C6: variants seen among roughly 807,000 people sequenced by gnomAD.
C6 encodes the protein complement C6.
Under a neutral mutation model 112.9 loss-of-function variants are expected in C6, and 101 were observed. The ratio of observed to expected loss-of-function variants is 0.89; its 90% CI spans 0.76 to 1.06. C6 has a LOEUF of 1.06. Among genes scored for constraint, C6 ranks in the 50% least tolerant of loss-of-function variants. The pLI is 0.00. For missense variants in C6, 1,202 were observed against 1,104.6 expected, an observed-to-expected ratio of 1.09 and a Z score of -1.25; for synonymous variants, 431 against 384.1, an observed-to-expected ratio of 1.12 and a Z score of -1.43.
chr5:41,246,503 G>T (rs927697543), intron 1 of C6, among the ~76,000 whole-genome samples: 1 of 151,918 alleles, frequency 6.6e-6, no homozygotes, highest in African/African-American at 2.4e-5. Context: ...TAATCTTCAG[G>T]TGCAAAAAAA....
intron 1 of C6, among the ~76,000 whole-genome samples, chr5:41,212,376 G>C (rs989789382): frequency 6.6e-6 from 1 of 151,936 alleles, no homozygotes; most frequent in African/African-American, 2.4e-5. Context: ...GGTCAGGCTC[G>C]TCTTGAACTC....
At chr5:41,244,475 G>A (rs569878360) in intron 1 of C6, among the ~76,000 whole-genome samples, 1 of 152,308 alleles carries the variant, frequency 6.6e-6, no homozygotes, top group East Asian at 1.9e-4. Context: ...TCTAACTCAA[G>A]CAGTGAGATT....
At chr5:41,225,324 T>G (rs1035462213) in intron 1 of C6, among the ~76,000 whole-genome samples, 1 of 152,176 alleles carries the variant, frequency 6.6e-6, no homozygotes, top group Non-Finnish European at 1.5e-5. Context: ...TGTTTGTTTT[T>G]TTTTGTCCTT....
At chr5:41,221,834 G>A (rs1739183781) in intron 1 of C6, among the ~76,000 whole-genome samples, 1 of 152,110 alleles carries the variant, frequency 6.6e-6, no homozygotes, top group Admixed American at 6.6e-5. Flanking sequence ...AGCTAGTTAA[G>A]TTAAAAGTTA....
chr5:41,184,537 T>C (rs184624105), intron 6 of C6, among the ~76,000 whole-genome samples: 432 of 152,182 alleles, frequency 2.8e-3, no homozygotes, highest in Non-Finnish European at 4.2e-3. Context: ...AGTGGCGTGA[T>C]CTCGGCTCAC....
chr5:41,248,673 A>G (rs111918547), intron 1 of C6, among the ~76,000 whole-genome samples: 1,529 of 152,284 alleles, frequency 0.01, 33 homozygotes, highest in African/African-American at 0.035. Context: ...TCAAAAACCA[A>G]CAGATGCTGG....
intron 1 of C6, among the ~76,000 whole-genome samples, chr5:41,211,782 C>CT (rs112546596): frequency 0.2 from 30,760 of 151,950 alleles, 3,916 homozygotes; most frequent in African/African-American, 0.37. Flanking sequence ...CAGAATATTT[C>CT]CTCAATTGTA....
At chr5:41,199,738 G>T (rs372190172) in intron 4 of C6, 30 bp downstream of exon 4, 11 of 1,607,646 alleles carry the variant, frequency 6.8e-6, no homozygotes, top group Non-Finnish European at 8.5e-6. Context: ...ATTTTTAGTG[G>T]GGACTGAACA....
At chr5:41,156,737 T>C (rs1333063272) in intron 13 of C6, among the ~76,000 whole-genome samples, 2 of 152,240 alleles carry the variant, frequency 1.3e-5, no homozygotes, top group Non-Finnish European at 2.9e-5. Flanking sequence ...GATATGGCTT[T>C]GTTTCCAAGG....
intron 1 of C6, among the ~76,000 whole-genome samples, chr5:41,251,112 G>T (rs1026429390): frequency 1.3e-5 from 2 of 152,078 alleles, no homozygotes; most frequent in African/African-American, 4.8e-5. Flanking sequence ...TCTGAGTTTT[G>T]AATTGAAACT....
chr5:41,208,371 A>G (rs968116866), intron 1 of C6, among the ~76,000 whole-genome samples: 5 of 152,338 alleles, frequency 3.3e-5, no homozygotes, highest in Non-Finnish European at 7.3e-5. Context: ...AACTAAGATC[A>G]GAGCAGAACT....
intron 1 of C6, chr5:41,261,099 A>T: frequency 1.5e-6 from 1 of 676,858 alleles, no homozygotes; most frequent in Non-Finnish European, 1.8e-6. Context: ...GTAAACTTTC[A>T]TCTGGAAATC....
intron 1 of C6, among the ~76,000 whole-genome samples, chr5:41,253,556 G>C (rs1274554901): frequency 1.3e-5 from 2 of 152,152 alleles, no homozygotes; most frequent in Non-Finnish European, 2.9e-5. Flanking sequence ...CTGTAAACTA[G>C]GGCAATTGTA....
In C6 at chr5:41,181,347, C is replaced by G. The variant is rs1749323238; in HGVS notation, c.927+12G>C. On this transcript the variant is annotated intron_variant, in intron 7 of 17. Transcript: ENST00000337836. ...CAAGAAAGAATAAAAGGTTGGAAAC[C>G]ATTTTTGATACCTTTTTGTGAGAGG... 6.2e-7 allele frequency: 1 copy of G among 1,611,886 alleles called. No individual in the cohort carries two copies. Among genetic ancestry groups the G allele is most frequent in the East Asian group, 2.2e-5 (1 of 44,792 alleles).
chr5:41,225,827 A>T (rs898896707), intron 1 of C6, among the ~76,000 whole-genome samples: 5 of 152,176 alleles, frequency 3.3e-5, no homozygotes, highest in Non-Finnish European at 7.3e-5. Context: ...TCTTTGACAA[A>T]CCTGACAAAA....
intron 17 of C6, among the ~76,000 whole-genome samples, chr5:41,147,619 T>A (rs982010489): frequency 6.6e-6 from 1 of 152,224 alleles, no homozygotes; most frequent in Non-Finnish European, 1.5e-5. Flanking sequence ...TTTTTGTCTT[T>A]CTTTTTGCAA....
chr5:41,161,788 A>G lies in C6; in HGVS notation c.1363T>C (p.Leu455=), dbSNP rs762930528. 1.9e-6 allele frequency: 3 copies of G among 1,613,698 alleles called. No homozygotes were observed. Among genetic ancestry groups the G allele is most frequent in the Non-Finnish European group, 8.5e-7 (1 of 1,179,728 alleles). Residue 455 remains leucine (L), a synonymous_variant, in exon 10 of 18, where the codon TTG becomes CTG. Coordinates refer to ENST00000337836, the MANE Select transcript of C6 (RefSeq NM_000065.5). ...CCAGAGCTCCCTTTCTCCCATGCCA[A>G]AGCTGCTCCATATTCACTCCTTCCA... is the stretch of plus-strand genomic sequence containing the variant. ...RGGRSEYGAA[L]AWEKGSSGLE...
At chr5:41,148,915 GT>G (rs1746105755) in intron 17 of C6, among the ~76,000 whole-genome samples, 1 of 152,154 alleles carries the variant, frequency 6.6e-6, no homozygotes, top group Non-Finnish European at 1.5e-5. Flanking sequence ...GACAATTCTG[GT>G]GAAGGCCCTC....
At chr5:41,154,891 A>T in intron 14 of C6, 81 bp downstream of exon 14, 1 of 1,365,644 alleles carries the variant, frequency 7.3e-7, no homozygotes, top group Non-Finnish European at 1.0e-6. Flanking sequence ...GTATTGATCT[A>T]AGGATGTGAT....
Sources: allele counts gnomAD v4.1 joint callset (sites outside exome capture counted in the v4.1 genomes callset), GRCh38; gene constraint gnomAD v4.1.1; transcripts MANE v1.5; gene names NCBI Gene and HGNC (gene_info 2026-07-23, HGNC 2026-07-21).